Variants in LAMA2 observed in about 807,000 individuals in gnomAD.
The protein encoded by LAMA2 is laminin subunit alpha-2.
In LAMA2, 269 loss-of-function variants were observed where a neutral mutation model predicts 364.8. The observed-to-expected ratio is 0.74, with a 90% CI of 0.67 to 0.82. The LOEUF (loss-of-function observed/expected upper bound fraction) is 0.82, where lower values mean the gene tolerates loss of function less well. Among genes scored for constraint, LAMA2 ranks in the 40% least tolerant of loss-of-function variants. The pLI is 0.00. For synonymous variants in LAMA2, 1,379 were observed against 1,370.6 expected, an observed-to-expected ratio of 1.01 and a Z score of -0.14; for missense variants, 3,807 against 3,873.2, an observed-to-expected ratio of 0.98 and a Z score of 0.45.
chr6:128,911,621 G>C (rs992272529), intron 1 of LAMA2, among the ~76,000 whole-genome samples: 1 of 152,160 alleles, frequency 6.6e-6, no homozygotes, highest in Non-Finnish European at 1.5e-5. Context: ...GCTGGGAGCT[G>C]TAGACCGGAG....
At chr6:129,509,725 A>G (rs530099690) in intron 62 of LAMA2, among the ~76,000 whole-genome samples, 1 of 152,216 alleles carries the variant, frequency 6.6e-6, no homozygotes, top group East Asian at 1.9e-4. Flanking sequence ...GCCTATTTTT[A>G]TGCCAGTACT....
At chr6:129,072,550 AG>A in intron 3 of LAMA2, among the ~76,000 whole-genome samples, 1 of 152,278 alleles carries the variant, frequency 6.6e-6, no homozygotes, top group African/African-American at 2.4e-5. Flanking sequence ...ATTTACATTT[AG>A]TGTTACTATA....
intron 12 of LAMA2, among the ~76,000 whole-genome samples, chr6:129,219,332 T>A (rs1783635790): frequency 6.6e-6 from 1 of 152,064 alleles, no homozygotes; most frequent in Non-Finnish European, 1.5e-5. Flanking sequence ...AAACAACAGA[T>A]GCTGGAGAGG....
At chr6:129,435,646 A>G (rs570297975) in intron 41 of LAMA2, among the ~76,000 whole-genome samples, 1 of 152,322 alleles carries the variant, frequency 6.6e-6, no homozygotes, top group Non-Finnish European at 1.5e-5. Context: ...TTGGAATTTA[A>G]CAACAGACAC....
chr6:128,929,161 GT>G, intron 1 of LAMA2: 1 of 1,440,238 alleles, frequency 6.9e-7, no homozygotes, highest in Non-Finnish European at 9.8e-7. Context: ...CCAATGGCCG[GT>G]AGATAAAATG....
intron 4 of LAMA2, among the ~76,000 whole-genome samples, chr6:129,130,786 T>A (rs758002908): frequency 6.6e-6 from 1 of 152,200 alleles, no homozygotes; most frequent in Non-Finnish European, 1.5e-5. Context: ...TTATTTTTAA[T>A]TTTTACAGGT....
At position 129,270,507 on chromosome 6, in the gene LAMA2, A is replaced by G. The variant is rs867882815; in HGVS notation, c.2323-117A>G. On this transcript the variant is annotated intron_variant, in intron 16 of 64. Coordinates refer to ENST00000421865, the MANE Select transcript of LAMA2 (RefSeq NM_000426.4). ...TCTGCTGTAAAATTGACCATTTAAC[A>G]TGGAAAAATTATTCTTGCTGGCAGG... 67 of 1,005,376 alleles carry G rather than the reference A, an allele frequency of 6.7e-5. No homozygotes were observed. In the Middle Eastern group the frequency reaches 1.9e-3, roughly 29 times the overall value. The allele number at this position is 1,005,376 out of a possible 1,614,324, so 62.3% of individuals were successfully genotyped here. A position where few individuals can be genotyped will look rare whatever the true frequency, so the allele number is the denominator to read the frequency against.
chr6:128,934,531 C>A (rs1779696498), intron 1 of LAMA2, among the ~76,000 whole-genome samples: 1 of 150,474 alleles, frequency 6.6e-6, no homozygotes, highest in Non-Finnish European at 1.5e-5. Flanking sequence ...GGTGGAATTT[C>A]CCTCTTTTCG....
At chr6:129,404,335 C>CATATGAAG (rs1780137737) in intron 40 of LAMA2, among the ~76,000 whole-genome samples, 1 of 152,070 alleles carries the variant, frequency 6.6e-6, no homozygotes, top group Non-Finnish European at 1.5e-5. Context: ...AAATTGGTTA[C>CATATGAAG]ATATGAAGTT....
intron 49 of LAMA2, among the ~76,000 whole-genome samples, chr6:129,461,057 A>G (rs1177193486): frequency 6.6e-6 from 1 of 152,030 alleles, no homozygotes; most frequent in Non-Finnish European, 1.5e-5. Flanking sequence ...ATATTTAGCT[A>G]TAAGTAGAGG....
chr6:129,037,341 G>A (rs1296610399), intron 1 of LAMA2, among the ~76,000 whole-genome samples: 1 of 152,108 alleles, frequency 6.6e-6, no homozygotes, highest in Admixed American at 6.5e-5. Context: ...AGACAGAAAG[G>A]ATAAGGATCA....
intron 4 of LAMA2, among the ~76,000 whole-genome samples, chr6:129,099,955 AAG>A (rs1775426110): frequency 6.6e-6 from 1 of 152,216 alleles, no homozygotes; most frequent in African/African-American, 2.4e-5. Context: ...GGAGTGCAGA[AAG>A]AGTTTTGAGT....
At chr6:129,007,003 C>A (rs1246859433) in intron 1 of LAMA2, among the ~76,000 whole-genome samples, 1 of 152,098 alleles carries the variant, frequency 6.6e-6, no homozygotes, top group Non-Finnish European at 1.5e-5. Flanking sequence ...GATTCCTGAA[C>A]AACCACCCCT....
At chr6:129,378,459 G>T (rs1382158786) in intron 34 of LAMA2, among the ~76,000 whole-genome samples, 2 of 152,160 alleles carry the variant, frequency 1.3e-5, no homozygotes, top group Admixed American at 6.6e-5. Context: ...TCTCTCGTGG[G>T]TATTTTTGAC....
At chr6:129,042,091 G>A (rs367655399) in intron 1 of LAMA2, among the ~76,000 whole-genome samples, 1 of 151,448 alleles carries the variant, frequency 6.6e-6, no homozygotes, top group African/African-American at 2.4e-5. Context: ...GATCAGTTGA[G>A]GTCAGGAGTT....
At chr6:129,490,412 A>G (rs1784802070) in intron 56 of LAMA2, among the ~76,000 whole-genome samples, 1 of 152,214 alleles carries the variant, frequency 6.6e-6, no homozygotes, top group Admixed American at 6.5e-5. Flanking sequence ...TTTAAAAAAA[A>G]TAAGGGTCAC....
intron 10 of LAMA2, among the ~76,000 whole-genome samples, chr6:129,189,199 G>A (rs1038584899): frequency 1.3e-5 from 2 of 151,932 alleles, no homozygotes; most frequent in South Asian, 2.1e-4. Flanking sequence ...ACAGGGCCAC[G>A]AAAACTACAT....
At position 129,283,136 on chromosome 6, in the gene LAMA2, A is replaced by G. The variant is rs138791948; in HGVS notation, c.2537+2989A>G. On this transcript the variant is annotated intron_variant, in intron 18 of 64. Transcript: ENST00000421865. ...TGCTGGGGAATGATTTAAACAAAGG[A>G]AAAAAAAGAGTCAGAGAGTGAGGGG... 6.6e-5 allele frequency among the ~76,000 whole-genome samples: 10 copies of G among 152,028 alleles called. No individual in the cohort carries two copies. In the East Asian group the frequency reaches 1.7e-3, roughly 26 times the overall value.
chr6:129,360,587 C>T (rs1238631953), intron 32 of LAMA2, among the ~76,000 whole-genome samples: 1 of 152,162 alleles, frequency 6.6e-6, no homozygotes, highest in African/African-American at 2.4e-5. Context: ...ATAAAACTTA[C>T]CTTTCACTTA....
Sources: gnomAD v4.1 joint callset for allele counts (sites outside exome capture counted in the v4.1 genomes callset) on GRCh38, gnomAD v4.1.1 for gene constraint, MANE v1.5 for transcripts, NCBI Gene and HGNC (gene_info 2026-07-23, HGNC 2026-07-21) for gene names.